The following FBXO28 variants were observed in gnomAD, a reference collection of about 807,000 sequenced individuals.
FBXO28 encodes the protein F-box protein 28, also known as F-box only protein 28.
FBXO28 carries 8 observed loss-of-function variants against 38.1 expected under a neutral mutation model. That is an observed-to-expected ratio of 0.21 (90% CI 0.12 to 0.38). The LOEUF (loss-of-function observed/expected upper bound fraction) is 0.38, where lower values mean the gene tolerates loss of function less well. FBXO28 is among the 10% of genes least tolerant of loss of function. FBXO28 has a pLI of 1.00. For missense variants in FBXO28, 345 were observed against 460.6 expected (o/e 0.75, Z 2.30); for synonymous variants, 168 against 173.8 (o/e 0.97, Z 0.26).
At chr1:224,116,395 CCTT>C (rs2102606210) in intron 1 of FBXO28, among the ~76,000 whole-genome samples, 1 of 152,156 alleles carries the variant, frequency 6.6e-6, no homozygotes, top group East Asian at 1.9e-4. Flanking sequence ...GCTGTACATG[CCTT>C]CTTAAGTAGC....
At chr1:224,141,841 C>G (rs1657361831) in intron 3 of FBXO28, among the ~76,000 whole-genome samples, 1 of 151,658 alleles carries the variant, frequency 6.6e-6, no homozygotes, top group Non-Finnish European at 1.5e-5. Flanking sequence ...ATGTGAAAGC[C>G]TAGGACATTA....
intron 3 of FBXO28, among the ~76,000 whole-genome samples, chr1:224,139,068 C>A (rs1224412349): frequency 1.3e-5 from 2 of 151,700 alleles, no homozygotes; most frequent in African/African-American, 4.9e-5. Context: ...CAGATGTGAG[C>A]CACTGCGCCC....
intron 3 of FBXO28, among the ~76,000 whole-genome samples, chr1:224,138,548 G>C (rs559769045): frequency 1.1e-4 from 16 of 151,704 alleles, no homozygotes; most frequent in Non-Finnish European, 2.2e-4. Context: ...GCTTACTCCT[G>C]TATACATTTC....
chr1:224,127,178 GTGTGTA>G (rs148020002), intron 1 of FBXO28, among the ~76,000 whole-genome samples: 55,832 of 110,626 alleles, frequency 0.5, 11,432 homozygotes, highest in South Asian at 0.55. Context: ...GTGTGTGTGT[GTGTGTA>G]TGTGTGTGTG....
intron 3 of FBXO28, among the ~76,000 whole-genome samples, chr1:224,147,951 T>C (rs1657550719): frequency 6.6e-6 from 1 of 152,268 alleles, no homozygotes. Flanking sequence ...CTCTGAATGG[T>C]AGAAGCAGTA....
intron 3 of FBXO28, among the ~76,000 whole-genome samples, chr1:224,145,200 A>G (rs999637127): frequency 8.7e-5 from 13 of 149,370 alleles, no homozygotes; most frequent in Admixed American, 2.7e-4. Context: ...AGGCTGAGGC[A>G]GGAGAATCGC....
In FBXO28 at chr1:224,157,397, A is replaced by G; in HGVS notation, c.758A>G (p.Lys253Arg). Reference protein sequence around the residue: ...AALTTMQLFSKQNPSRQEVTK... With the variant: ...AALTTMQLFSRQNPSRQEVTK... ...CTAACAACAATGCAGCTCTTCTCCAAGCAAAATCCTTCAAGACAAGAGGTT... is the reference window on the plus strand; with the variant it reads ...CTAACAACAATGCAGCTCTTCTCCAGGCAAAATCCTTCAAGACAAGAGGTT... The change falls in exon 5 of 5, where the codon AAG (lysine) becomes AGG (arginine). Residue 253 changes from lysine (K) to arginine (R), a missense_variant. Physicochemically the swap from Lys to Arg is conservative, Grantham distance 26. Coordinates refer to ENST00000366862, the MANE Select transcript of FBXO28 (RefSeq NM_015176.4). The G allele has an allele frequency of 6.2e-7, 1 of 1,614,092 alleles. No homozygotes were observed. Among genetic ancestry groups the G allele is most frequent in the Non-Finnish European group, 8.5e-7 (1 of 1,179,984 alleles).
intron 1 of FBXO28, among the ~76,000 whole-genome samples, chr1:224,116,451 T>C (rs1370622769): frequency 6.6e-6 from 1 of 152,212 alleles, no homozygotes; most frequent in African/African-American, 2.4e-5. Flanking sequence ...CAAGGGACTT[T>C]AGTGTATGCT....
chr1:224,135,572 A>G (rs1163819711), intron 3 of FBXO28, among the ~76,000 whole-genome samples: 2 of 141,624 alleles, frequency 1.4e-5, no homozygotes, highest in Non-Finnish European at 3.0e-5. Context: ...AGATCACACC[A>G]CTGCACTCCA....
intron 3 of FBXO28, among the ~76,000 whole-genome samples, chr1:224,149,008 C>A (rs564805415): frequency 2.0e-5 from 3 of 152,142 alleles, no homozygotes; most frequent in Non-Finnish European, 4.4e-5. Context: ...AGTCATGTTT[C>A]ACTGGATAGG....
Position 224,123,261 on chromosome 1 carries a change from C to T in FBXO28, c.268-7211C>T, listed in dbSNP as rs17257260. 1.0e-2 allele frequency among the ~76,000 whole-genome samples: 1,513 copies of T among 151,364 alleles called. 32 individuals carry two copies. The highest frequency in any genetic ancestry group is 0.034 in the African/African-American group (1,415 of 41,268). ...ATGAATACATTTTAAAACTGGGTTC[C>T]AGCTGGGCGCAGTGGTTCATGCCTG... On this transcript the variant is annotated intron_variant, in intron 1 of 4. Transcript: ENST00000366862.
intron 1 of FBXO28, among the ~76,000 whole-genome samples, chr1:224,115,206 C>T (rs770283067): frequency 3.9e-5 from 6 of 152,070 alleles, no homozygotes; most frequent in African/African-American, 7.2e-5. Context: ...ATGAATTTGC[C>T]ATTGGGGTTT....
At chr1:224,119,993 T>C (rs1656735893) in intron 1 of FBXO28, among the ~76,000 whole-genome samples, 1 of 152,164 alleles carries the variant, frequency 6.6e-6, no homozygotes, top group South Asian at 2.1e-4. Context: ...GTGGAGCAAA[T>C]AAGGGCATTT....
At chr1:224,122,216 A>C (rs368696982) in intron 1 of FBXO28, among the ~76,000 whole-genome samples, 3 of 152,190 alleles carry the variant, frequency 2.0e-5, no homozygotes, top group African/African-American at 7.2e-5. Context: ...TGATTCGTTC[A>C]TTATTCATTT....
In FBXO28 at chr1:224,157,890, G is replaced by A; in HGVS notation, c.*144G>A. On this transcript the variant is annotated 3_prime_UTR_variant, in exon 5 of 5. Transcript: ENST00000366862. ...CTTAAACTTGAACTCTTATGGTTGG[G>A]ACATTCTTTTCCTGCTTCTCCTGAT... 2.8e-6 allele frequency: 4 copies of A among 1,425,516 alleles called. No homozygotes were observed. The highest frequency in any genetic ancestry group is 3.6e-6 in the Non-Finnish European group (4 of 1,096,500). The allele number at this position is 1,425,516 out of a possible 1,614,324, so 88.3% of individuals were successfully genotyped here. A position where few individuals can be genotyped will look rare whatever the true frequency, so the allele number is the denominator to read the frequency against.
chr1:224,149,925 C>T (rs1657600750), intron 3 of FBXO28, among the ~76,000 whole-genome samples: 1 of 152,160 alleles, frequency 6.6e-6, no homozygotes, highest in African/African-American at 2.4e-5. Flanking sequence ...TCAGCATGTG[C>T]AAAAGCCCTG....
chr1:224,116,122 C>T (rs749870287), intron 1 of FBXO28, among the ~76,000 whole-genome samples: 1 of 152,066 alleles, frequency 6.6e-6, no homozygotes, highest in Non-Finnish European at 1.5e-5. Flanking sequence ...CTGCCCACCC[C>T]CAGGAAAAGA....
chr1:224,128,983 C>A (rs368949508), intron 1 of FBXO28, among the ~76,000 whole-genome samples: 1,669 of 97,374 alleles, frequency 0.017, no homozygotes, highest in East Asian at 0.019. Context: ...AAGACCCTGT[C>A]AAAAAAAAAA....
chr1:224,143,792 C>T (rs1216498240), intron 3 of FBXO28, among the ~76,000 whole-genome samples: 2 of 148,286 alleles, frequency 1.3e-5, no homozygotes, highest in African/African-American at 5.0e-5. Context: ...GCTGAGATCA[C>T]GCCACTGCAC....
Sources: allele counts gnomAD v4.1 joint callset (sites outside exome capture counted in the v4.1 genomes callset), GRCh38; gene constraint gnomAD v4.1.1; transcripts MANE v1.5; gene names NCBI Gene and HGNC (gene_info 2026-07-23, HGNC 2026-07-21).